The following PLEKHG7 variants were observed in gnomAD, a reference collection of about 807,000 sequenced individuals.
The protein encoded by PLEKHG7 is pleckstrin homology and RhoGEF domain containing G7, also known as pleckstrin homology domain-containing family G member 7.
A neutral mutation model predicts 85.2 loss-of-function variants in PLEKHG7; 77 were observed. The observed-to-expected ratio is 0.90, with a 90% confidence interval of 0.75 to 1.09. PLEKHG7 has a LOEUF of 1.09. Ranked by LOEUF, PLEKHG7 falls within the 50% of genes least tolerant of loss-of-function variation. The probability of loss-of-function intolerance (pLI) is 0.00; values close to 1 mark genes in which losing one functional copy is unlikely to be tolerated. For missense variants in PLEKHG7, 777 were observed against 804.3 expected (o/e 0.97, Z 0.41); for synonymous variants, 301 against 302.4 (o/e 1.00, Z 0.05).
At chr12:92,709,171 G>A (rs1051055729) in intron 3 of PLEKHG7, among the ~76,000 whole-genome samples, 13 of 152,134 alleles carry the variant, frequency 8.5e-5, no homozygotes, top group Non-Finnish European at 1.8e-4. Flanking sequence ...CAAATAATTC[G>A]AATGTTCAGG....
At chr12:92,749,373 C>T (rs1419937719) in intron 10 of PLEKHG7, among the ~76,000 whole-genome samples, 1 of 152,092 alleles carries the variant, frequency 6.6e-6, no homozygotes, top group Non-Finnish European at 1.5e-5. Flanking sequence ...CTCACTGCAA[C>T]CTCAGACTCC....
chr12:92,704,202 C>T (rs1871166730), intron 1 of PLEKHG7, among the ~76,000 whole-genome samples: 1 of 151,772 alleles, frequency 6.6e-6, no homozygotes, highest in African/African-American at 2.4e-5. Context: ...TTTGAGGTTA[C>T]AGTGCGATAT....
chr12:92,744,415 T>C (rs1187420555), intron 9 of PLEKHG7, among the ~76,000 whole-genome samples: 4 of 152,304 alleles, frequency 2.6e-5, no homozygotes, highest in Middle Eastern at 3.4e-3. Context: ...TTAATTGAGA[T>C]GGTGGCATGT....
chr12:92,749,851 G>A (rs1360156685), intron 10 of PLEKHG7: 1 of 143,518 alleles, frequency 7.0e-6, no homozygotes, highest in Admixed American at 6.8e-5. Flanking sequence ...AAATTTATTA[G>A]GATATTTTAT....
intron 10 of PLEKHG7, among the ~76,000 whole-genome samples, chr12:92,747,896 G>A (rs1053537562): frequency 2.0e-5 from 3 of 149,472 alleles, no homozygotes; most frequent in African/African-American, 7.7e-5. Flanking sequence ...GCTGGGAAGA[G>A]GGGAGAAGGG....
chr12:92,761,624 AAG>A (rs1358885169), intron 13 of PLEKHG7, 126 bp from the exon 14 acceptor site: 7 of 53,904 alleles, frequency 1.3e-4, no homozygotes, highest in Non-Finnish European at 1.6e-4. Flanking sequence ...AGAAAGAAAG[AAG>A]AAAGAAAGAA....
chr12:92,742,124 A>G (rs1362389579), intron 9 of PLEKHG7, among the ~76,000 whole-genome samples: 2 of 152,194 alleles, frequency 1.3e-5, no homozygotes, highest in Non-Finnish European at 2.9e-5. Flanking sequence ...ATCTAATTTT[A>G]ATCTAATTTC....
At chr12:92,743,679 C>A (rs1872433779) in intron 9 of PLEKHG7, among the ~76,000 whole-genome samples, 1 of 152,136 alleles carries the variant, frequency 6.6e-6, no homozygotes, top group Non-Finnish European at 1.5e-5. Flanking sequence ...CCTGCCTCAG[C>A]CCCCCGAGTA....
At chr12:92,722,065 TA>T (rs111491859) in intron 3 of PLEKHG7, among the ~76,000 whole-genome samples, 16,333 of 142,508 alleles carry the variant, frequency 0.11, 1,033 homozygotes, top group African/African-American at 0.18. Context: ...CCACATTTAT[TA>T]AAAAAAAAAA....
At chr12:92,737,739 G>GGGAGGGAGGGAGGAAGGGAGGGAGGGGA (rs147862697) in intron 7 of PLEKHG7, among the ~76,000 whole-genome samples, 1 of 126,456 alleles carries the variant, frequency 7.9e-6, no homozygotes, top group Admixed American at 7.8e-5. Context: ...GAGGGAGGAA[G>GGGAGGGAGGGAGGAAGGGAGGGAGGGGA]GGAGGGAGGG....
intron 13 of PLEKHG7, among the ~76,000 whole-genome samples, chr12:92,757,965 G>A (rs547647659): frequency 1.3e-5 from 2 of 152,326 alleles, no homozygotes; most frequent in African/African-American, 2.4e-5. Flanking sequence ...AACACGGTGA[G>A]GTGAGAAGAC....
chr12:92,760,276 A>G (rs754786865), intron 13 of PLEKHG7, among the ~76,000 whole-genome samples: 9 of 152,190 alleles, frequency 5.9e-5, no homozygotes, highest in Non-Finnish European at 7.3e-5. Context: ...TTCAAGGGAC[A>G]ACCAGAAGTC....
chr12:92,713,930 G>T lies in PLEKHG7; in HGVS notation c.530+6258G>T, dbSNP rs369023158. On this transcript the variant is annotated intron_variant, in intron 3 of 16. Transcript: ENST00000344636. ...TAGTGGGCCCAAATCAATAAATTCA[G>T]CCTGATCCAACTCTATGTTCCTTCC... 9.2e-5 allele frequency among the ~76,000 whole-genome samples: 14 copies of T among 152,242 alleles called. No individual in the cohort carries two copies. In the East Asian group the frequency reaches 1.5e-3, roughly 17 times the overall value.
intron 15 of PLEKHG7, 36 bp from the exon 16 acceptor site, chr12:92,768,947 G>T (rs755403243): frequency 1.1e-5 from 15 of 1,387,398 alleles, no homozygotes; most frequent in South Asian, 2.6e-5. Context: ...CATATGAAAT[G>T]ATTTGGCTTT....
At chr12:92,757,452 T>A (rs1310272050) in intron 13 of PLEKHG7, among the ~76,000 whole-genome samples, 1 of 152,122 alleles carries the variant, frequency 6.6e-6, no homozygotes, top group African/African-American at 2.4e-5. Flanking sequence ...GGCTGGGAAA[T>A]AATCCCTTAA....
chr12:92,747,454 G>A (rs1872565565), intron 10 of PLEKHG7, among the ~76,000 whole-genome samples: 1 of 152,222 alleles, frequency 6.6e-6, no homozygotes, highest in South Asian at 2.1e-4. Context: ...TTTGTACACT[G>A]TTGGCAGGTA....
chr12:92,733,336 G>T (rs76439128), intron 5 of PLEKHG7, among the ~76,000 whole-genome samples: 1 of 152,272 alleles, frequency 6.6e-6, no homozygotes, highest in East Asian at 1.9e-4. Flanking sequence ...AATCTTGGCC[G>T]TATCACTAGT....
At chr12:92,741,157 C>T (rs1430517199) in intron 8 of PLEKHG7, among the ~76,000 whole-genome samples, 2 of 152,122 alleles carry the variant, frequency 1.3e-5, no homozygotes, top group Non-Finnish European at 2.9e-5. Context: ...TGTCATTTTT[C>T]CATGGCTATT....
chr12:92,761,623 GAAGAAAGAAAGAAAGA>G (rs10601568), intron 13 of PLEKHG7, 113 bp from the exon 14 acceptor site: 48,500 of 717,394 alleles, frequency 0.068, 2,938 homozygotes, highest in Admixed American at 0.15. Flanking sequence ...AAGAAAGAAA[GAAGAAAGAAAGAAAGA>G]AAGAAAGAAA....
Sources: allele counts gnomAD v4.1 joint callset (sites outside exome capture counted in the v4.1 genomes callset), GRCh38; gene constraint gnomAD v4.1.1; transcripts MANE v1.5; gene names NCBI Gene and HGNC (gene_info 2026-07-23, HGNC 2026-07-21).